The following ZNF618 variants were observed in gnomAD, a reference collection of about 807,000 sequenced individuals.
ZNF618 encodes the protein neural precursor cell expressed, developmentally down-regulated 10.
A neutral mutation model predicts 103.0 loss-of-function variants in ZNF618; 34 were observed. The observed-to-expected ratio is 0.33, with a 90% confidence interval of 0.25 to 0.44. The LOEUF (loss-of-function observed/expected upper bound fraction) is 0.44. Ranked by LOEUF, ZNF618 falls within the 20% of genes least tolerant of loss-of-function variation. ZNF618 has a pLI of 1.00. For missense variants in ZNF618, 1,059 were observed against 1,295.4 expected (o/e 0.82, Z 2.80); for synonymous variants, 551 against 542.2 (o/e 1.02, Z -0.23).
chr9:113,882,784 T>C (rs1038375430), intron 1 of ZNF618, among the ~76,000 whole-genome samples: 11 of 152,214 alleles, frequency 7.2e-5, no homozygotes, highest in African/African-American at 2.7e-4. Flanking sequence ...CTGCTCATGC[T>C]GGGGCCCTTG....
rs1233123762 is a variant in ZNF618 at position 113,988,316 on chromosome 9, C to T, written c.78-5C>T. Reference sequence around the variant, plus strand: ...AGGTATTGAACGGAGTTTCTTCTTTCCCAGGGAGCGCTTGAAGCGCAGCCA... The same window carrying T: ...AGGTATTGAACGGAGTTTCTTCTTTTCCAGGGAGCGCTTGAAGCGCAGCCA... On this transcript the variant is annotated splice_region_variant and splice_polypyrimidine_tract_variant and intron_variant, in intron 2 of 14. Coordinates refer to ENST00000374126, the MANE Select transcript of ZNF618 (RefSeq NM_001318042.2). The T allele has an allele frequency of 1.2e-6, 2 of 1,609,830 alleles. No homozygotes were observed. The highest frequency in any genetic ancestry group is 1.1e-5 in the South Asian group (1 of 90,796).
chr9:113,963,703 C>T (rs1044772159), intron 1 of ZNF618, among the ~76,000 whole-genome samples: 3 of 152,230 alleles, frequency 2.0e-5, no homozygotes, highest in African/African-American at 7.2e-5. Flanking sequence ...ATGCACCATT[C>T]ATCTAAGCAA....
chr9:113,959,858 C>T (rs1457540139), intron 1 of ZNF618, among the ~76,000 whole-genome samples: 1 of 152,216 alleles, frequency 6.6e-6, no homozygotes, highest in Non-Finnish European at 1.5e-5. Flanking sequence ...ATCCACCCGC[C>T]TCGGCCTCCC....
At chr9:113,927,493 T>C (rs965426490) in intron 1 of ZNF618, among the ~76,000 whole-genome samples, 1 of 152,246 alleles carries the variant, frequency 6.6e-6, no homozygotes, top group Non-Finnish European at 1.5e-5. Flanking sequence ...GGTAGTGTTC[T>C]AGAATCCTCT....
At chr9:113,949,228 C>T (rs987037961) in intron 1 of ZNF618, among the ~76,000 whole-genome samples, 1 of 152,208 alleles carries the variant, frequency 6.6e-6, no homozygotes, top group African/African-American at 2.4e-5. Flanking sequence ...TTACAAATTG[C>T]TGCATGCATT....
At chr9:113,878,168 T>C (rs969405789) in intron 1 of ZNF618, among the ~76,000 whole-genome samples, 1 of 98,402 alleles carries the variant, frequency 1.0e-5, no homozygotes, top group Non-Finnish European at 2.1e-5. Context: ...CCTTGATCAT[T>C]TTGGGGGGTT....
intron 1 of ZNF618, among the ~76,000 whole-genome samples, chr9:113,936,128 TG>T (rs1834010266): frequency 6.6e-6 from 1 of 152,268 alleles, no homozygotes; most frequent in South Asian, 2.1e-4. Flanking sequence ...TGCCACAGGC[TG>T]GGATTCCTTG....
chr9:114,019,466 T>C (rs1444680246), intron 10 of ZNF618, among the ~76,000 whole-genome samples: 1 of 152,254 alleles, frequency 6.6e-6, no homozygotes, highest in African/African-American at 2.4e-5. Flanking sequence ...CAGCTGTGCC[T>C]GTGAGTTCCA....
intron 1 of ZNF618, among the ~76,000 whole-genome samples, chr9:113,911,371 C>G (rs530445912): frequency 6.6e-6 from 1 of 152,016 alleles, no homozygotes; most frequent in Non-Finnish European, 1.5e-5. Context: ...TCTAGTCACC[C>G]AGGCTAGAGT....
rs1846247979 is a variant in ZNF618 at position 114,053,302 on chromosome 9, C to CA, written c.*3135_*3136insA. The CA allele has an allele frequency of 1.3e-5, 2 of 152,318 alleles. No individual in the cohort carries two copies. Among genetic ancestry groups the CA allele is most frequent in the African/African-American group, 4.8e-5 (2 of 41,452 alleles). 9.4% of individuals were successfully genotyped at this position (152,318 alleles called of 1,614,324 possible). ...GTTCATCTCCTGGTGTCCAGCCTGA[C>CA]CTTCACATCTGGAAGGATTTTGTCG... On this transcript the variant is annotated 3_prime_UTR_variant, in exon 15 of 15. Transcript: ENST00000374126.
chr9:113,896,017 A>G (rs1375258769), intron 1 of ZNF618, among the ~76,000 whole-genome samples: 5 of 151,688 alleles, frequency 3.3e-5, no homozygotes, highest in East Asian at 3.9e-4. Context: ...TGTCCTCTGT[A>G]TGGTTCTATT....
At position 114,036,337 on chromosome 9, in the gene ZNF618, G is replaced by C; in HGVS notation, c.1206G>C (p.Gln402His). The C allele has an allele frequency of 6.3e-7, 1 of 1,584,550 alleles. No homozygotes were observed. The highest frequency in any genetic ancestry group is 1.2e-5 in the South Asian group (1 of 86,282). ...YTCGACGIQFQFYNNLLEHMQ... is the reference protein window; with the variant it reads ...YTCGACGIQFHFYNNLLEHMQ... Reference sequence around the variant, plus strand: ...GCGGCGCCTGTGGGATCCAGTTCCAGTTCTACAACAACCTGTTGGAGCACA... The same window carrying C: ...GCGGCGCCTGTGGGATCCAGTTCCACTTCTACAACAACCTGTTGGAGCACA... The change falls in exon 13 of 15, where the codon CAG becomes CAC. Residue 402 changes from glutamine (Q) to histidine (H), a missense_variant. By Grantham distance (24) the Gln-to-His change is conservative (BLOSUM62 0). This residue lies in a region of ZNF618 where 434 missense variants were observed against 476.0 expected (regional missense o/e 0.91). Coordinates refer to ENST00000374126, the MANE Select transcript of ZNF618 (RefSeq NM_001318042.2).
At chr9:113,973,277 TGAAG>T (rs1838165360) in intron 2 of ZNF618, among the ~76,000 whole-genome samples, 1 of 152,140 alleles carries the variant, frequency 6.6e-6, no homozygotes, top group South Asian at 2.1e-4. Context: ...AGAATGACCT[TGAAG>T]GACCCCCAGC....
At position 114,002,676 on chromosome 9, in the gene ZNF618, C is replaced by T. The variant is rs115326593; in HGVS notation, c.550+14C>T. On this transcript the variant is annotated intron_variant, in intron 6 of 14. Transcript: ENST00000374126. ...CCTCCCAAAGCAGTGAGTACTTTTT[C>T]CTCCTCGTGGGCTGCTGAGGGGCGA... 3.2e-3 allele frequency: 5,225 copies of T among 1,610,692 alleles called. 127 individuals carry two copies. In the African/African-American group the frequency reaches 0.057, roughly 17 times the overall value.
At chr9:113,953,445 TATC>T (rs1835957324) in intron 1 of ZNF618, among the ~76,000 whole-genome samples, 2 of 152,342 alleles carry the variant, frequency 1.3e-5, no homozygotes, top group South Asian at 2.1e-4. Context: ...AAGAGGAAAG[TATC>T]ATTCAATTTT....
At position 113,928,812 on chromosome 9, in the gene ZNF618, A is replaced by G. The variant is rs148488001; in HGVS notation, c.34-40305A>G. On this transcript the variant is annotated intron_variant, in intron 1 of 14. Coordinates refer to ENST00000374126, the MANE Select transcript of ZNF618 (RefSeq NM_001318042.2). Reference sequence around the variant, plus strand: ...AAGTAGTCTATACTCTCATGATTCAATCTCAATTATTATTATTTTTTAAGT... The same window carrying G: ...AAGTAGTCTATACTCTCATGATTCAGTCTCAATTATTATTATTTTTTAAGT... Among the ~76,000 whole-genome samples, 931 of 152,086 alleles carry G rather than the reference A, an allele frequency of 6.1e-3. 6 individuals carry two copies. The highest frequency in any genetic ancestry group is 0.014 in the Middle Eastern group (4 of 294).
chr9:114,020,020 A>G (rs535693622), intron 10 of ZNF618, among the ~76,000 whole-genome samples: 1 of 152,254 alleles, frequency 6.6e-6, no homozygotes, highest in South Asian at 2.1e-4. Context: ...TAACTTTTCA[A>G]ATGATGTGAG....
At chr9:113,952,004 T>C (rs7024191) in intron 1 of ZNF618, among the ~76,000 whole-genome samples, 3,022 of 152,302 alleles carry the variant, frequency 0.02, 103 homozygotes, top group African/African-American at 0.069. Flanking sequence ...ATGGGCCATT[T>C]GGTGCCAGGT....
In ZNF618 at chr9:114,012,536, A is replaced by T. The variant is rs75129908; in HGVS notation, c.754+3982A>T. 1.1e-3 allele frequency among the ~76,000 whole-genome samples: 171 copies of T among 152,314 alleles called. 1 individual carries two copies. Among genetic ancestry groups the T allele is most frequent in the African/African-American group, 4.0e-3 (166 of 41,570 alleles). On this transcript the variant is annotated intron_variant, in intron 9 of 14. Transcript: ENST00000374126. Reference sequence around the variant, plus strand: ...GAATTTGAGGATGGGGACACAGTTCAGTCCATAGCATGACCCCTGTGAAAA... The same window carrying T: ...GAATTTGAGGATGGGGACACAGTTCTGTCCATAGCATGACCCCTGTGAAAA...
Sources: allele counts gnomAD v4.1 joint callset (sites outside exome capture counted in the v4.1 genomes callset), GRCh38; gene constraint gnomAD v4.1.1; regional missense constraint gnomAD v4.1.1; transcripts MANE v1.5; gene names NCBI Gene and HGNC (gene_info 2026-07-23, HGNC 2026-07-21).